The following CMIP variants were observed in gnomAD, a reference collection of about 807,000 sequenced individuals.
CMIP encodes C-Maf-inducing protein.
Under a neutral mutation model 97.3 loss-of-function variants are expected in CMIP, and 13 were observed. The observed-to-expected ratio is 0.13, with a 90% CI of 0.09 to 0.21. The LOEUF (loss-of-function observed/expected upper bound fraction) is 0.21, where lower values mean the gene tolerates loss of function less well. Among genes scored for constraint, CMIP ranks in the 10% least tolerant of loss-of-function variants. CMIP has a pLI of 1.00. For missense variants in CMIP, 847 were observed against 1,024.9 expected, an observed-to-expected ratio of 0.83 and a Z score of 2.37; for synonymous variants, 538 against 436.3, an observed-to-expected ratio of 1.23 and a Z score of -2.91.
intron 1 of CMIP, among the ~76,000 whole-genome samples, chr16:81,590,344 T>A (rs926696902): frequency 6.6e-6 from 1 of 152,216 alleles, no homozygotes; most frequent in Non-Finnish European, 1.5e-5. Context: ...TTCTTGACAC[T>A]GTCAGAGGGT....
intron 1 of CMIP, among the ~76,000 whole-genome samples, chr16:81,575,955 T>C (rs2091181738): frequency 1.3e-5 from 2 of 152,222 alleles, no homozygotes; most frequent in Admixed American, 1.3e-4. Context: ...AGAGTAGTTC[T>C]TATAAATGCT....
At chr16:81,577,936 T>A (rs2091226771) in intron 1 of CMIP, among the ~76,000 whole-genome samples, 2 of 144,136 alleles carry the variant, frequency 1.4e-5, no homozygotes, top group East Asian at 2.3e-4. Flanking sequence ...CACCATCACC[T>A]TCATCACCAC....
At chr16:81,590,175 C>G (rs909859377) in intron 1 of CMIP, among the ~76,000 whole-genome samples, 3 of 152,202 alleles carry the variant, frequency 2.0e-5, no homozygotes, top group African/African-American at 7.2e-5. Flanking sequence ...AATGACCACG[C>G]CCCTCTGAGC....
chr16:81,547,610 G>C, intron 1 of CMIP, among the ~76,000 whole-genome samples: 1 of 149,652 alleles, frequency 6.7e-6, no homozygotes, highest in South Asian at 2.1e-4. Context: ...GGTGGGAAGC[G>C]GGGGAGGAGG....
rs140167816 is a variant in CMIP at position 81,528,467 on chromosome 16, C to T, written c.301-79100C>T. ...GTGCTCATGCATTGAATTGATATGA[C>T]CAGAGGTGGAGCGTGGAGCTGGTTC... On this transcript the variant is annotated intron_variant, in intron 1 of 20. Transcript: ENST00000537098. Among the ~76,000 whole-genome samples, 1,265 of 152,260 alleles carry T rather than the reference C, an allele frequency of 8.3e-3. 7 individuals carry two copies. The highest frequency in any genetic ancestry group is 0.012 in the Non-Finnish European group (828 of 68,028).
At chr16:81,467,383 G>A (rs1354819677) in intron 1 of CMIP, among the ~76,000 whole-genome samples, 1 of 152,156 alleles carries the variant, frequency 6.6e-6, no homozygotes, top group Non-Finnish European at 1.5e-5. Flanking sequence ...CAGCAGCGGT[G>A]CCTCTCCCCC....
intron 3 of CMIP, among the ~76,000 whole-genome samples, chr16:81,633,491 G>A (rs551613792): frequency 4.6e-5 from 7 of 152,212 alleles, no homozygotes; most frequent in Admixed American, 3.9e-4. Flanking sequence ...AATACCCAGC[G>A]GGACAGCCGG....
chr16:81,537,275 C>A (rs553028762), intron 1 of CMIP, among the ~76,000 whole-genome samples: 7 of 152,098 alleles, frequency 4.6e-5, no homozygotes, highest in African/African-American at 1.7e-4. Context: ...TGGCTCACAC[C>A]TGTAATGCCG....
intron 8 of CMIP, 52 bp from the exon 9 acceptor site, chr16:81,671,914 C>T: frequency 1.0e-6 from 1 of 966,812 alleles, no homozygotes; most frequent in Non-Finnish European, 1.6e-6. Context: ...TTACCCTGTC[C>T]ATGGGCCCCA....
At chr16:81,667,743 G>GGA (rs2092619653) in intron 7 of CMIP, among the ~76,000 whole-genome samples, 1 of 135,666 alleles carries the variant, frequency 7.4e-6, no homozygotes. Flanking sequence ...TTCTAACCCA[G>GGA]GAGGGAGGGA....
Position 81,630,033 on chromosome 16 carries a change from C to T in CMIP, c.477+9107C>T, listed in dbSNP as rs375532398. On this transcript the variant is annotated intron_variant, in intron 3 of 20. Transcript: ENST00000537098. Reference sequence around the variant, plus strand: ...GCTCCCAAAATAATACTTTCTGCAGCGCTTCAGGGCCAGACTGCCCAGGTT... The same window carrying T: ...GCTCCCAAAATAATACTTTCTGCAGTGCTTCAGGGCCAGACTGCCCAGGTT... Among the ~76,000 whole-genome samples the T allele has an allele frequency of 4.2e-4, 64 of 152,328 alleles. No individual in the cohort carries two copies. In the South Asian group the frequency reaches 8.5e-3, roughly 20 times the overall value.
At chr16:81,509,380 C>T (rs1597488365) in intron 1 of CMIP, among the ~76,000 whole-genome samples, 3 of 152,350 alleles carry the variant, frequency 2.0e-5, no homozygotes, top group East Asian at 3.9e-4. Flanking sequence ...CTTCCTGTCA[C>T]CTAGCTCGGC....
At chr16:81,464,321 G>A (rs757199635) in intron 1 of CMIP, 6 of 152,240 alleles carry the variant, frequency 3.9e-5, no homozygotes, top group African/African-American at 1.2e-4. Flanking sequence ...CTGGTCACAG[G>A]CTCCACATCT....
chr16:81,706,825 G>A (rs778283458), intron 19 of CMIP, among the ~76,000 whole-genome samples, 189 bp from the exon 20 acceptor site: 24 of 152,268 alleles, frequency 1.6e-4, no homozygotes, highest in African/African-American at 2.4e-4. Flanking sequence ...AGACCAGCAC[G>A]TGCCTGAAAT....
chr16:81,593,237 C>G (rs2091493352), intron 1 of CMIP, among the ~76,000 whole-genome samples: 1 of 152,164 alleles, frequency 6.6e-6, no homozygotes, highest in Non-Finnish European at 1.5e-5. Flanking sequence ...CTGCTGAGGT[C>G]TGGGCAGCAG....
intron 3 of CMIP, among the ~76,000 whole-genome samples, chr16:81,642,184 G>C: frequency 6.6e-6 from 1 of 152,230 alleles, no homozygotes; most frequent in South Asian, 2.1e-4. Context: ...GTCAGCCCTT[G>C]ATATGTAGTA....
At chr16:81,698,621 T>C (rs1907036693) in intron 14 of CMIP, among the ~76,000 whole-genome samples, 1 of 152,080 alleles carries the variant, frequency 6.6e-6, no homozygotes, top group African/African-American at 2.4e-5. Context: ...AAAATACACA[T>C]CATATAAAAG....
intron 1 of CMIP, among the ~76,000 whole-genome samples, chr16:81,485,110 G>A (rs778407430): frequency 6.6e-6 from 1 of 152,160 alleles, no homozygotes; most frequent in African/African-American, 2.4e-5. Context: ...GGGCTCAGAC[G>A]TCTTATTTTT....
At chr16:81,447,054 C>A (rs1368409153) in intron 1 of CMIP, among the ~76,000 whole-genome samples, 1 of 152,166 alleles carries the variant, frequency 6.6e-6, no homozygotes, top group Admixed American at 6.5e-5. Context: ...CCGTCCCGCG[C>A]CACAGGCCGC....
Sources: allele counts gnomAD v4.1 joint callset (sites outside exome capture counted in the v4.1 genomes callset), GRCh38; gene constraint gnomAD v4.1.1; transcripts MANE v1.5; gene names NCBI Gene and HGNC (gene_info 2026-07-23, HGNC 2026-07-21).